TRPC3: variants seen among roughly 807,000 people sequenced by gnomAD.
TRPC3 encodes short transient receptor potential channel 3.
Under a neutral mutation model 90.9 loss-of-function variants are expected in TRPC3, and 54 were observed. The ratio of observed to expected loss-of-function variants is 0.59; its 90% CI spans 0.48 to 0.75. The LOEUF (loss-of-function observed/expected upper bound fraction) is 0.75, where lower values mean the gene tolerates loss of function less well. TRPC3 is among the 30% of genes least tolerant of loss of function. The pLI is 0.00. For synonymous variants in TRPC3, 424 were observed against 450.9 expected (o/e 0.94, Z 0.75); for missense variants, 918 against 1,194.5 (o/e 0.77, Z 3.41).
rs140772812 is a variant in TRPC3, at chr4:121,914,907, G to T, written c.1214C>A (p.Thr405Lys). ...AHPNCQQQLL[T>K]IWYENLSGLR... is the part of the protein sequence containing the mutation. The stretch of plus-strand genomic sequence containing the variant: ...GCCTGAGAGGTTCTCATACCAGATC[G>T]TCAAGAGCTGCTGCTGGCAGTTGGG... The change falls in exon 4 of 12, where the codon ACG becomes AAG. Residue 405 changes from threonine (T) to lysine (K), a missense_variant. Thr to Lys is a moderately conservative substitution (Grantham distance 78, BLOSUM62 -1). Coordinates refer to ENST00000379645, the MANE Select transcript of TRPC3 (RefSeq NM_001130698.2). The T allele has an allele frequency of 1.5e-5, 24 of 1,610,370 alleles. No individual in the cohort carries two copies. Among genetic ancestry groups the T allele is most frequent in the Non-Finnish European group, 2.0e-5 (24 of 1,177,178 alleles).
chr4:121,899,743 G>C, intron 9 of TRPC3, 48 bp from the exon 10 acceptor site: 1 of 1,360,240 alleles, frequency 7.4e-7, no homozygotes, highest in South Asian at 1.2e-5. Flanking sequence ...CATTCATTTG[G>C]AATAAAAAAT....
intron 2 of TRPC3, 80 bp from the exon 3 acceptor site, chr4:121,925,286 G>T: frequency 7.0e-7 from 1 of 1,425,024 alleles, no homozygotes; most frequent in Non-Finnish European, 9.4e-7. Context: ...ATTAGAAAAA[G>T]GTATCCCTTC....
At position 121,932,470 on chromosome 4, in the gene TRPC3, TGCGGCC is replaced by T. The variant is rs1560713470; in HGVS notation, c.782_787del (p.Arg261_Pro262del). The T allele has an allele frequency of 1.9e-6, 3 of 1,614,190 alleles. No individual in the cohort carries two copies. The highest frequency in any genetic ancestry group is 2.5e-6 in the Non-Finnish European group (3 of 1,180,018). On this transcript the variant is annotated inframe_deletion, in exon 2 of 12. Coordinates refer to ENST00000379645, the MANE Select transcript of TRPC3 (RefSeq NM_001130698.2). The surrounding 1 kb of genome is among the most constrained non-coding windows in gnomAD (Gnocchi z 7.7). ...GTCCCCGCACTTGCAGAAATAGTCG[TGCGGCC>T]GCTCGATCCTGGCACCCTTCATCAG...
chr4:121,895,668 C>G (rs1728493151), intron 10 of TRPC3, among the ~76,000 whole-genome samples: 1 of 151,912 alleles, frequency 6.6e-6, no homozygotes, highest in African/African-American at 2.4e-5. Flanking sequence ...AGACCAAAAA[C>G]AGGTAACAAG....
intron 3 of TRPC3, among the ~76,000 whole-genome samples, chr4:121,924,738 G>A (rs1178137103): frequency 4.6e-5 from 7 of 151,950 alleles, no homozygotes; most frequent in African/African-American, 1.2e-4. Flanking sequence ...ACAGGGTCTC[G>A]CTATGTTGCC....
intron 1 of TRPC3, 84 bp from the exon 2 acceptor site, chr4:121,933,126 A>C (rs1166179358): frequency 6.8e-7 from 1 of 1,467,944 alleles, no homozygotes; most frequent in South Asian, 1.5e-5. Flanking sequence ...TCTGGAATAC[A>C]CACTACCCAC....
chr4:121,948,781 C>T (rs1730578992), intron 1 of TRPC3, among the ~76,000 whole-genome samples: 1 of 152,096 alleles, frequency 6.6e-6, no homozygotes, highest in East Asian at 1.9e-4. Flanking sequence ...TCCTTGATTT[C>T]CCCACAACTT....
At chr4:121,912,376 T>C (rs763061013) in intron 4 of TRPC3, among the ~76,000 whole-genome samples, 1 of 152,194 alleles carries the variant, frequency 6.6e-6, no homozygotes, top group Non-Finnish European at 1.5e-5. Context: ...CCTATACTGG[T>C]TCTTGCTCTT....
intron 1 of TRPC3, among the ~76,000 whole-genome samples, chr4:121,949,014 G>A (rs1412427904): frequency 6.6e-6 from 1 of 152,098 alleles, no homozygotes; most frequent in Admixed American, 6.5e-5. Flanking sequence ...GTGGCTTGCA[G>A]TACCTAGCCT....
Position 121,932,466 on chromosome 4 carries a change from GTCGTGCGGCCGC to G in TRPC3, c.780_791del (p.Glu260_His263del). 4 of 1,614,216 alleles carry G rather than the reference GTCGTGCGGCCGC, an allele frequency of 2.5e-6. No individual in the cohort carries two copies. The highest frequency in any genetic ancestry group is 3.4e-6 in the Non-Finnish European group (4 of 1,180,034). On this transcript the variant is annotated inframe_deletion, in exon 2 of 12. Transcript: ENST00000379645. This position sits in a 1 kb window ranked among gnomAD's most constrained non-coding sequence, Gnocchi z 7.7. ...TGCAGTCCCCGCACTTGCAGAAATA[GTCGTGCGGCCGC>G]TCGATCCTGGCACCCTTCATCAGCA...
chr4:121,907,945 T>C (rs1728945123), intron 6 of TRPC3, among the ~76,000 whole-genome samples: 1 of 152,110 alleles, frequency 6.6e-6, no homozygotes, highest in Admixed American at 6.6e-5. Context: ...TATTTTGTCA[T>C]CCTATAGGCA....
At chr4:121,881,160 T>C (rs911503282) in intron 11 of TRPC3, among the ~76,000 whole-genome samples, 2 of 152,128 alleles carry the variant, frequency 1.3e-5, no homozygotes, top group African/African-American at 2.4e-5. Context: ...AACCTATGTG[T>C]TGTATTAAAT....
At chr4:121,892,245 T>C (rs983568184) in intron 10 of TRPC3, among the ~76,000 whole-genome samples, 1 of 152,204 alleles carries the variant, frequency 6.6e-6, no homozygotes, top group African/African-American at 2.4e-5. Context: ...AGACATATAG[T>C]ATAATCCACT....
At chr4:121,903,233 T>C (rs1190110030) in intron 8 of TRPC3, among the ~76,000 whole-genome samples, 172 bp from the exon 9 acceptor site, 2 of 152,182 alleles carry the variant, frequency 1.3e-5, no homozygotes, top group African/African-American at 4.8e-5. Context: ...TTTTCAAATA[T>C]AAGATACTCA....
intron 1 of TRPC3, among the ~76,000 whole-genome samples, chr4:121,943,192 C>CG (rs974589633): frequency 6.6e-6 from 1 of 151,954 alleles, no homozygotes; most frequent in East Asian, 1.9e-4. Context: ...ATTTTCCCCC[C>CG]CTAGATTACA....
chr4:121,941,530 C>T (rs1417681822), intron 1 of TRPC3, among the ~76,000 whole-genome samples: 1 of 152,100 alleles, frequency 6.6e-6, no homozygotes, highest in Non-Finnish European at 1.5e-5. Flanking sequence ...GTTAGTTACA[C>T]TATGGAGATG....
Position 121,951,720 on chromosome 4 carries a change from G to T in TRPC3, c.-40C>A. On this transcript the variant is annotated 5_prime_UTR_variant, in exon 1 of 12. Coordinates refer to ENST00000379645, the MANE Select transcript of TRPC3 (RefSeq NM_001130698.2). This position sits in a 1 kb window ranked among gnomAD's most constrained non-coding sequence, Gnocchi z 4.4. Reference sequence around the variant, plus strand: ...TCCGAGTGTGGGGGTGCCGGCTGCCGGCCTCCTCCGCCTTCGCGGCAGTGC... The same window carrying T: ...TCCGAGTGTGGGGGTGCCGGCTGCCTGCCTCCTCCGCCTTCGCGGCAGTGC... 7.8e-7 allele frequency: 1 copy of T among 1,285,456 alleles called. No individual in the cohort carries two copies. The highest frequency in any genetic ancestry group is 3.2e-5 in the East Asian group (1 of 31,612). The allele number at this position is 1,285,456 out of a possible 1,614,324, so 79.6% of individuals were successfully genotyped here.
intron 3 of TRPC3, among the ~76,000 whole-genome samples, chr4:121,919,410 A>G (rs1045921557): frequency 6.6e-6 from 1 of 152,226 alleles, no homozygotes; most frequent in Non-Finnish European, 1.5e-5. Context: ...AGGCAATTCA[A>G]CTTCTTTTAA....
At chr4:121,894,588 G>T (rs1240990336) in intron 10 of TRPC3, among the ~76,000 whole-genome samples, 2 of 92,682 alleles carry the variant, frequency 2.2e-5, no homozygotes, top group African/African-American at 4.1e-5. Context: ...TTTTGAGACA[G>T]TGTCTCACTC....
Sources: allele counts gnomAD v4.1 joint callset (sites outside exome capture counted in the v4.1 genomes callset), GRCh38; gene constraint gnomAD v4.1.1; non-coding constraint Gnocchi (gnomAD v3.1); transcripts MANE v1.5; gene names NCBI Gene and HGNC (gene_info 2026-07-23, HGNC 2026-07-21).